PKHD1: variants seen among roughly 807,000 people sequenced by gnomAD.
PKHD1 encodes the protein fibrocystin.
Under a neutral mutation model 412.0 loss-of-function variants are expected in PKHD1, and 291 were observed. The observed-to-expected ratio is 0.71, with a 90% CI of 0.64 to 0.78. The LOEUF is 0.78. Among genes scored for constraint, PKHD1 ranks in the 30% least tolerant of loss-of-function variants. The pLI, the probability that PKHD1 is intolerant of heterozygous loss-of-function variation, is 0.00. For synonymous variants in PKHD1, 1,777 were observed against 1,821.5 expected (o/e 0.98, Z 0.62); for missense variants, 4,825 against 4,950.7 (o/e 0.97, Z 0.76).
chr6:51,825,214 T>C (rs1767114638), intron 52 of PKHD1, among the ~76,000 whole-genome samples: 1 of 152,222 alleles, frequency 6.6e-6, no homozygotes. Context: ...TAAAGACAGC[T>C]GCAAATTCTT....
At chr6:51,680,574 C>G (rs148080322) in intron 60 of PKHD1, among the ~76,000 whole-genome samples, 1 of 151,932 alleles carries the variant, frequency 6.6e-6, no homozygotes, top group African/African-American at 2.4e-5. Context: ...TATTAAAATG[C>G]ATTCACTGAA....
intron 49 of PKHD1, among the ~76,000 whole-genome samples, chr6:51,853,474 G>C (rs1772695811): frequency 6.6e-6 from 1 of 152,184 alleles, no homozygotes; most frequent in Admixed American, 6.5e-5. Flanking sequence ...GGCCTGTCTT[G>C]CTAGGTTGGG....
At chr6:52,064,817 G>A in intron 13 of PKHD1, 138 bp downstream of exon 13, 1 of 474,148 alleles carries the variant, frequency 2.1e-6, no homozygotes, top group Non-Finnish European at 3.8e-6. Context: ...CCTTGACAAT[G>A]GTATCATGGA....
chr6:51,889,988 G>A (rs1778855444), intron 43 of PKHD1, among the ~76,000 whole-genome samples: 1 of 151,852 alleles, frequency 6.6e-6, no homozygotes, highest in African/African-American at 2.4e-5. Flanking sequence ...TTATATTTAT[G>A]GTGGATTTTT....
Position 52,025,801 on chromosome 6 carries a change from C to T in PKHD1, c.4009G>A (p.Asp1337Asn), listed in dbSNP as rs373255125. 5.7e-5 allele frequency: 92 copies of T among 1,614,070 alleles called. No homozygotes were observed. In the East Asian group the frequency reaches 6.2e-4, roughly 11 times the overall value. ...CCCTGGAAGGACTGTGTCTCAACAT[C>T]ACAGTTCAGGTTCCCCAGAAGGATG... ...SVILLGNLNC[D>N]VETQSFQGNV... The change falls in exon 32 of 67, where the codon GAT (aspartate) becomes AAT (asparagine). Residue 1337 changes from aspartate to asparagine, a missense_variant. Asp to Asn is a conservative substitution (Grantham distance 23). Transcript: ENST00000371117.
At chr6:51,848,888 A>C (rs929638158) in intron 49 of PKHD1, among the ~76,000 whole-genome samples, 23 of 145,142 alleles carry the variant, frequency 1.6e-4, no homozygotes, top group Non-Finnish European at 2.6e-4. Flanking sequence ...AAATGTACCC[A>C]CTTTCCTCAT....
intron 66 of PKHD1, among the ~76,000 whole-genome samples, chr6:51,626,486 T>G (rs920568683): frequency 2.6e-5 from 4 of 152,134 alleles, no homozygotes; most frequent in African/African-American, 9.7e-5. Context: ...ATATAACAAG[T>G]AATATCATCT....
rs147529495 is a variant in PKHD1, at chr6:52,024,966, G to T, written c.4844C>A (p.Thr1615Lys). The part of the protein sequence containing the change: ...SVYIDQQTCL[T>K]VNIGAELIRC... Reference sequence around the variant, plus strand: ...GATGAGCTCAGCACCGATGTTCACCGTCAGGCAGGTCTGCTGGTCAATATA... The same window carrying T: ...GATGAGCTCAGCACCGATGTTCACCTTCAGGCAGGTCTGCTGGTCAATATA... Residue 1615 changes from threonine to lysine, a missense_variant, in exon 32 of 67, where the codon ACG (threonine) becomes AAG (lysine). By Grantham distance (78) the Thr-to-Lys change is moderately conservative. Transcript: ENST00000371117. 93 of 1,614,084 alleles carry T rather than the reference G, an allele frequency of 5.8e-5. No individual in the cohort carries two copies. Among genetic ancestry groups the T allele is most frequent in the Non-Finnish European group, 7.0e-5 (83 of 1,180,040 alleles).
At chr6:51,751,206 C>T (rs1786062659) in intron 57 of PKHD1, among the ~76,000 whole-genome samples, 1 of 152,120 alleles carries the variant, frequency 6.6e-6, no homozygotes, top group Non-Finnish European at 1.5e-5. Flanking sequence ...ATGATGGAGC[C>T]CTCCAATATA....
At chr6:51,720,105 C>T (rs929045484) in intron 60 of PKHD1, among the ~76,000 whole-genome samples, 2 of 152,058 alleles carry the variant, frequency 1.3e-5, no homozygotes, top group African/African-American at 4.8e-5. Context: ...TTCTATTATC[C>T]ATTATGCTTT....
chr6:51,775,717 T>C (rs1790907778), intron 54 of PKHD1, 91 bp downstream of exon 54: 1 of 720,662 alleles, frequency 1.4e-6, no homozygotes, highest in African/African-American at 1.8e-5. Context: ...ATTTAGCATA[T>C]GTTCTATGAA....
At chr6:51,723,034 TTTC>T (rs1204215549) in intron 60 of PKHD1, among the ~76,000 whole-genome samples, 1 of 152,228 alleles carries the variant, frequency 6.6e-6, no homozygotes, top group Non-Finnish European at 1.5e-5. Context: ...TAATTACTCA[TTTC>T]TTTTCTAGCT....
At chr6:51,757,059 G>A (rs920782776) in intron 55 of PKHD1, among the ~76,000 whole-genome samples, 1 of 152,120 alleles carries the variant, frequency 6.6e-6, no homozygotes, top group African/African-American at 2.4e-5. Flanking sequence ...GTGGAGCCCA[G>A]GCAGTAATGC....
intron 35 of PKHD1, among the ~76,000 whole-genome samples, chr6:51,988,038 G>C (rs1796422486): frequency 6.6e-6 from 1 of 152,256 alleles, no homozygotes; most frequent in East Asian, 1.9e-4. Flanking sequence ...CAGGTGTTTG[G>C]TAAGTATCAT....
chr6:51,643,231 A>G (rs1172025527), intron 63 of PKHD1, among the ~76,000 whole-genome samples: 2 of 152,192 alleles, frequency 1.3e-5, no homozygotes, highest in Admixed American at 1.3e-4. Flanking sequence ...TGAATCTTTC[A>G]TCTTCACAGT....
chr6:52,018,569 T>A (rs1427529080), intron 33 of PKHD1, among the ~76,000 whole-genome samples: 2 of 152,118 alleles, frequency 1.3e-5, no homozygotes, highest in Non-Finnish European at 2.9e-5. Context: ...TGCCCAGGCT[T>A]GTGGCACAAT....
intron 43 of PKHD1, 100 bp downstream of exon 43, chr6:51,903,489 TATTCTTCC>T: frequency 1.1e-6 from 1 of 899,234 alleles, no homozygotes; most frequent in Non-Finnish European, 1.8e-6. Context: ...CAATGGCAAT[TATTCTTCC>T]AATGTGGCCC....
At chr6:51,899,289 C>G (rs943124999) in intron 43 of PKHD1, among the ~76,000 whole-genome samples, 5 of 151,688 alleles carry the variant, frequency 3.3e-5, no homozygotes, top group African/African-American at 1.2e-4. Flanking sequence ...CAAAACGAAT[C>G]CAGCAGCACA....
At chr6:51,995,152 C>T (rs911988106) in intron 35 of PKHD1, among the ~76,000 whole-genome samples, 2 of 152,174 alleles carry the variant, frequency 1.3e-5, no homozygotes, top group Non-Finnish European at 2.9e-5. Context: ...CTCGTGGAAG[C>T]ACTGCCTGTC....
Sources: allele counts gnomAD v4.1 joint callset (sites outside exome capture counted in the v4.1 genomes callset), GRCh38; gene constraint gnomAD v4.1.1; transcripts MANE v1.5; gene names NCBI Gene and HGNC (gene_info 2026-07-23, HGNC 2026-07-21).